Variants in ABCA13 observed in about 807,000 individuals in gnomAD.
ABCA13 encodes ATP-binding cassette sub-family A member 13.
Under a neutral mutation model 478.7 loss-of-function variants are expected in ABCA13, and 476 were observed. The ratio of observed to expected loss-of-function variants is 0.99; its 90% CI spans 0.92 to 1.07. ABCA13 has a LOEUF of 1.07. ABCA13 is among the 50% of genes least tolerant of loss of function. ABCA13 has a pLI of 0.00. For synonymous variants in ABCA13, 2,252 were observed against 2,158.9 expected, an observed-to-expected ratio of 1.04 and a Z score of -1.20; for missense variants, 6,060 against 5,910.6, an observed-to-expected ratio of 1.03 and a Z score of -0.83.
Position 48,221,248 on chromosome 7 carries a change from G to T in ABCA13, c.440-33G>T. Reference sequence around the variant, plus strand: ...AGCATGTGCTTTTTCATTGATGATTGAACTAATATCTCTTAAACCTTCTTT... The same window carrying T: ...AGCATGTGCTTTTTCATTGATGATTTAACTAATATCTCTTAAACCTTCTTT... On this transcript the variant is annotated intron_variant, in intron 4 of 61. Transcript: ENST00000435803. 3 of 1,058,330 alleles carry T rather than the reference G, an allele frequency of 2.8e-6. No homozygotes were observed. In the South Asian group the frequency reaches 4.2e-5, roughly 15 times the overall value. The allele number at this position is 1,058,330 out of a possible 1,614,324, so 65.6% of individuals were successfully genotyped here.
At chr7:48,265,053 T>C (rs1458194816) in intron 15 of ABCA13, among the ~76,000 whole-genome samples, 1 of 151,670 alleles carries the variant, frequency 6.6e-6, no homozygotes, top group African/African-American at 2.4e-5. Flanking sequence ...CTATTCTTTT[T>C]CCATTGACTT....
intron 59 of ABCA13, among the ~76,000 whole-genome samples, chr7:48,626,220 G>A (rs931800831): frequency 1.4e-4 from 22 of 152,176 alleles, no homozygotes; most frequent in Non-Finnish European, 2.8e-4. Flanking sequence ...AGCACGACAA[G>A]AAGGTTTCAA....
chr7:48,611,320 T>C (rs910940293), intron 58 of ABCA13, among the ~76,000 whole-genome samples: 5 of 152,134 alleles, frequency 3.3e-5, no homozygotes, highest in African/African-American at 1.2e-4. Flanking sequence ...TTTCCCATCT[T>C]CTCCTGAGCC....
At chr7:48,443,123 G>A (rs536821912) in intron 42 of ABCA13, among the ~76,000 whole-genome samples, 1 of 152,298 alleles carries the variant, frequency 6.6e-6, no homozygotes, top group South Asian at 2.1e-4. Context: ...GGCAAACCAA[G>A]GAGAGAGGCC....
At chr7:48,500,457 A>G (rs1308693099) in intron 48 of ABCA13, among the ~76,000 whole-genome samples, 2 of 151,984 alleles carry the variant, frequency 1.3e-5, no homozygotes, top group Non-Finnish European at 2.9e-5. Context: ...AATATCCATT[A>G]TTTATTTAAG....
At position 48,464,825 on chromosome 7, in the gene ABCA13, T is replaced by A. The variant is rs535216097; in HGVS notation, c.12816-2131T>A. 3.1e-3 allele frequency among the ~76,000 whole-genome samples: 469 copies of A among 152,222 alleles called. 3 individuals carry two copies. Among genetic ancestry groups the A allele is most frequent in the Non-Finnish European group, 4.6e-3 (312 of 68,022 alleles). ...CTCAAGGATTGCTTCATTCCAGTAA[T>A]GAGAACAAGGGTAAGCCTCCAGTTA... On this transcript the variant is annotated intron_variant, in intron 43 of 61. Coordinates refer to ENST00000435803, the MANE Select transcript of ABCA13 (RefSeq NM_152701.5).
intron 18 of ABCA13, 40 bp downstream of exon 18, chr7:48,279,960 C>G (rs368527219): frequency 2.0e-6 from 3 of 1,482,312 alleles, no homozygotes; most frequent in Non-Finnish European, 2.7e-6. Context: ...TTTTCTCTAC[C>G]GCAGTAGCTA....
At chr7:48,479,083 G>T (rs1828469975) in intron 45 of ABCA13, among the ~76,000 whole-genome samples, 1 of 151,310 alleles carries the variant, frequency 6.6e-6, no homozygotes. Flanking sequence ...AAGTAGCTGG[G>T]ACTACAGGTG....
chr7:48,190,843 CT>C (rs1371146366), intron 1 of ABCA13, among the ~76,000 whole-genome samples: 4 of 152,198 alleles, frequency 2.6e-5, no homozygotes, highest in East Asian at 3.9e-4. Flanking sequence ...TGGTTATAAT[CT>C]TTCTGTACTT....
chr7:48,437,798 C>T (rs1006166117), intron 42 of ABCA13, among the ~76,000 whole-genome samples: 7 of 152,014 alleles, frequency 4.6e-5, no homozygotes, highest in Non-Finnish European at 8.8e-5. Context: ...CCTGGGGTAA[C>T]GGCTTATGGT....
intron 59 of ABCA13, among the ~76,000 whole-genome samples, chr7:48,621,584 A>G (rs1460875888): frequency 6.6e-6 from 1 of 152,126 alleles, no homozygotes. Flanking sequence ...ATTATTTACT[A>G]AGTTGGTGTC....
At position 48,427,799 on chromosome 7, in the gene ABCA13, A is replaced by T. The variant is rs764001947; in HGVS notation, c.12493A>T (p.Lys4165Ter). The part of the protein sequence containing the change: ...FLMLLQDSNK[K>*]SHIALGTESE... Reference sequence around the variant, plus strand: ...GATGCTTTTGCAAGATTCCAACAAGAAATCTCACATTGCCCTGGGGACTGA... The same window carrying T: ...GATGCTTTTGCAAGATTCCAACAAGTAATCTCACATTGCCCTGGGGACTGA... The change falls in exon 42 of 62, where the codon AAA (lysine) becomes TAA (stop). Residue 4165 changes from lysine (K) to a stop codon, truncating the protein, a stop_gained. Coordinates refer to ENST00000435803, the MANE Select transcript of ABCA13 (RefSeq NM_152701.5). LOFTEE classifies it high-confidence loss of function. 6.2e-7 allele frequency: 1 copy of T among 1,613,746 alleles called. No homozygotes were observed. The highest frequency in any genetic ancestry group is 1.3e-5 in the African/African-American group (1 of 75,036).
chr7:48,557,495 TATC>T (rs945030447), intron 55 of ABCA13, among the ~76,000 whole-genome samples: 1 of 152,162 alleles, frequency 6.6e-6, no homozygotes, highest in African/African-American at 2.4e-5. Flanking sequence ...AAGTTTTTTC[TATC>T]AACACTTTAA....
chr7:48,407,651 G>A (rs1402932303), intron 39 of ABCA13, among the ~76,000 whole-genome samples: 1 of 151,608 alleles, frequency 6.6e-6, no homozygotes, highest in Non-Finnish European at 1.5e-5. Context: ...CTGCCTCCTG[G>A]GCTCAAGCAA....
chr7:48,251,623 T>C (rs548954911), intron 15 of ABCA13, among the ~76,000 whole-genome samples: 2 of 152,228 alleles, frequency 1.3e-5, no homozygotes, highest in African/African-American at 4.8e-5. Context: ...ATATAACTAG[T>C]CTTATTAAGA....
At position 48,272,009 on chromosome 7, in the gene ABCA13, A is replaced by G; in HGVS notation, c.2343A>G (p.Leu781=). The change falls in exon 17 of 62, where the codon TTA becomes TTG. Residue 781 remains leucine (L), a synonymous_variant. Transcript: ENST00000435803. ...SSLWTNHLKS[L]KRDPSATDAQ... is the part of the protein sequence containing the mutation. ...TGTGGACAAATCATTTAAAAAGTTT[A>G]AAGAGAGACCCATCTGCCACTGATG... 1 of 1,613,642 alleles carries G rather than the reference A, an allele frequency of 6.2e-7. No homozygotes were observed. The highest frequency in any genetic ancestry group is 8.5e-7 in the Non-Finnish European group (1 of 1,179,714).
At chr7:48,229,436 G>A (rs1788723107) in intron 6 of ABCA13, among the ~76,000 whole-genome samples, 1 of 152,190 alleles carries the variant, frequency 6.6e-6, no homozygotes, top group African/African-American at 2.4e-5. Context: ...CAGCCAGGCT[G>A]ACTGTTCATT....
intron 15 of ABCA13, among the ~76,000 whole-genome samples, chr7:48,256,554 A>C (rs1218968252): frequency 6.6e-6 from 1 of 152,212 alleles, no homozygotes; most frequent in African/African-American, 2.4e-5. Flanking sequence ...TGATTAAGGA[A>C]TCCTATCCCT....
intron 15 of ABCA13, among the ~76,000 whole-genome samples, chr7:48,252,904 C>G (rs1284318332): frequency 1.3e-5 from 2 of 152,142 alleles, no homozygotes; most frequent in Non-Finnish European, 2.9e-5. Context: ...GATTTGGACA[C>G]TTGAAAAAAA....
Sources: allele counts gnomAD v4.1 joint callset (sites outside exome capture counted in the v4.1 genomes callset), GRCh38; gene constraint gnomAD v4.1.1; transcripts MANE v1.5; gene names NCBI Gene and HGNC (gene_info 2026-07-23, HGNC 2026-07-21).